Variants in NAV3 observed in about 807,000 individuals in gnomAD.
NAV3 encodes the protein pore membrane and/or filament interacting like protein 1.
NAV3 carries 87 observed loss-of-function variants against 244.7 expected under a neutral mutation model. The ratio of observed to expected loss-of-function variants is 0.36; its 90% CI spans 0.30 to 0.42. NAV3 has a LOEUF of 0.42. NAV3 is among the 20% of genes least tolerant of loss of function. The pLI, the probability that NAV3 is intolerant of heterozygous loss-of-function variation, is 1.00. For synonymous variants in NAV3, 1,126 were observed against 1,042.2 expected (o/e 1.08, Z -1.55); for missense variants, 2,663 against 2,893.3 (o/e 0.92, Z 1.83).
At chr12:77,772,746 G>A (rs1177406222) in intron 2 of NAV3, among the ~76,000 whole-genome samples, 1 of 152,170 alleles carries the variant, frequency 6.6e-6, no homozygotes, top group African/African-American at 2.4e-5. Flanking sequence ...GGCTCGAGCA[G>A]TTGGAATCTG....
intron 5 of NAV3, among the ~76,000 whole-genome samples, chr12:77,973,266 CAT>C (rs1232832926): frequency 6.6e-6 from 1 of 151,652 alleles, no homozygotes; most frequent in African/African-American, 2.4e-5. Flanking sequence ...ACAATTAAAA[CAT>C]GTAAAAAGAA....
intron 2 of NAV3, among the ~76,000 whole-genome samples, chr12:77,594,668 G>A (rs962186668): frequency 2.2e-4 from 34 of 152,170 alleles, no homozygotes; most frequent in African/African-American, 7.0e-4. Flanking sequence ...CATATGCACC[G>A]AAGTTAGAAG....
At chr12:78,003,302 T>C (rs1007729) in intron 7 of NAV3, among the ~76,000 whole-genome samples, 63,325 of 151,834 alleles carry the variant, frequency 0.42, 13,557 homozygotes, top group African/African-American at 0.53. Flanking sequence ...GTCCTAATTA[T>C]TTATCAAAAT....
rs1893158621 is a variant in NAV3, at chr12:77,973,304, A to C, written c.671+4602A>C. Among the ~76,000 whole-genome samples, 5 of 152,184 alleles carry C rather than the reference A, an allele frequency of 3.3e-5. No individual in the cohort carries two copies. The South Asian group carries it at 1.0e-3, about 32-fold the overall frequency. ...GAAAATTGAATGTGAAAGTAGAGGT[A>C]AGAGATTACATAGATAGATGATAGA... On this transcript the variant is annotated intron_variant, in intron 5 of 39. Transcript: ENST00000397909.
chr12:78,001,311 TTAC>T (rs1352429090), intron 7 of NAV3, among the ~76,000 whole-genome samples: 2 of 152,202 alleles, frequency 1.3e-5, no homozygotes, highest in African/African-American at 4.8e-5. Context: ...ACAAGATCTT[TTAC>T]TGGCAGGATT....
chr12:78,128,718 A>T lies in NAV3; in HGVS notation c.4293A>T (p.Ser1431=), dbSNP rs2138848460. Residue 1431 remains serine (S), a synonymous_variant, in exon 18 of 40, where the codon TCA becomes TCT. Coordinates refer to ENST00000397909, the MANE Select transcript of NAV3 (RefSeq NM_001024383.2). ...TGCTGTTTTGCAGATATACCCCATC[A>T]TCTCGGCAGGCCAACCAAGAAGAGG... ...LPKKGLRYTP[S]SRQANQEEGK... The T allele has an allele frequency of 6.2e-7, 1 of 1,613,858 alleles. No homozygotes were observed. The highest frequency in any genetic ancestry group is 8.5e-7 in the Non-Finnish European group (1 of 1,179,886).
chr12:77,576,237 T>A (rs1222710274), intron 2 of NAV3, among the ~76,000 whole-genome samples: 1 of 152,110 alleles, frequency 6.6e-6, no homozygotes. Flanking sequence ...TTGATAGGAA[T>A]AATACTGATA....
chr12:77,885,204 A>C (rs1883139716), intron 1 of NAV3, among the ~76,000 whole-genome samples: 1 of 152,142 alleles, frequency 6.6e-6, no homozygotes, highest in African/African-American at 2.4e-5. Context: ...GGAGTTAATA[A>C]GTATTTTAAT....
At chr12:77,657,907 A>G (rs944140551) in intron 2 of NAV3, among the ~76,000 whole-genome samples, 20 of 152,120 alleles carry the variant, frequency 1.3e-4, no homozygotes, top group Middle Eastern at 3.4e-3. Context: ...AAATTCAACA[A>G]CCCTTCATGC....
At chr12:77,707,304 T>C (rs1285398880) in intron 2 of NAV3, among the ~76,000 whole-genome samples, 1 of 149,282 alleles carries the variant, frequency 6.7e-6, no homozygotes, top group Admixed American at 6.7e-5. Context: ...TGAGAACATG[T>C]GGTGTTTGGT....
chr12:78,198,543 T>A (rs1959235701), intron 35 of NAV3, 62 bp from the exon 36 acceptor site: 5 of 1,011,440 alleles, frequency 4.9e-6, no homozygotes, highest in Non-Finnish European at 7.5e-6. Flanking sequence ...TCCAAGATAA[T>A]TTTAATGAAT....
At chr12:77,597,314 C>T (rs114023052) in intron 2 of NAV3, among the ~76,000 whole-genome samples, 1 of 152,020 alleles carries the variant, frequency 6.6e-6, no homozygotes, top group South Asian at 2.1e-4. Context: ...ATCAGTATTA[C>T]TCATATGATG....
chr12:78,172,435 C>T (rs551296592), intron 24 of NAV3, among the ~76,000 whole-genome samples: 1 of 151,520 alleles, frequency 6.6e-6, no homozygotes, highest in African/African-American at 2.4e-5. Flanking sequence ...GTCTTTGTCT[C>T]CATAGAACTT....
chr12:77,772,795 G>A (rs1051737104), intron 2 of NAV3, among the ~76,000 whole-genome samples: 1 of 152,076 alleles, frequency 6.6e-6, no homozygotes, highest in African/African-American at 2.4e-5. Flanking sequence ...ACCGTCAATG[G>A]CCAAAATGTG....
chr12:77,648,474 G>A (rs1323605806), intron 2 of NAV3, among the ~76,000 whole-genome samples: 1 of 152,060 alleles, frequency 6.6e-6, no homozygotes, highest in Non-Finnish European at 1.5e-5. Context: ...CAGAGTCTTA[G>A]AATAAATTAC....
At chr12:77,822,146 T>C (rs1340311509) in intron 2 of NAV3, among the ~76,000 whole-genome samples, 2 of 152,178 alleles carry the variant, frequency 1.3e-5, no homozygotes, top group Admixed American at 1.3e-4. Context: ...ATTTGATAAA[T>C]TTTATTTGCT....
intron 12 of NAV3, among the ~76,000 whole-genome samples, chr12:78,113,957 A>G (rs1313977466): frequency 6.6e-6 from 1 of 152,172 alleles, no homozygotes; most frequent in African/African-American, 2.4e-5. Context: ...CCCAAATCAT[A>G]TCTTGAACAC....
chr12:77,824,825 AG>A (rs752287562), intron 2 of NAV3, among the ~76,000 whole-genome samples: 10 of 151,778 alleles, frequency 6.6e-5, no homozygotes, highest in Non-Finnish European at 2.9e-5. Flanking sequence ...CCCAGGAGGC[AG>A]GGATTCCCGT....
rs2138621377 is a variant in NAV3 at position 78,119,608 on chromosome 12, T to C, written c.3412T>C (p.Leu1138=). The change falls in exon 15 of 40, where the codon TTG becomes CTG. Residue 1138 remains leucine (L), a synonymous_variant. Coordinates refer to ENST00000397909, the MANE Select transcript of NAV3 (RefSeq NM_001024383.2). The part of the protein sequence containing the change: ...SSKTTLQYRS[L]PRPSKSSTSG... Reference sequence around the variant, plus strand: ...AAAGACTACCCTACAATATCGCAGCTTGCCCCGCCCTTCAAAATCCAGCAC... The same window carrying C: ...AAAGACTACCCTACAATATCGCAGCCTGCCCCGCCCTTCAAAATCCAGCAC... The C allele has an allele frequency of 1.2e-6, 2 of 1,614,158 alleles. No homozygotes were observed. Among genetic ancestry groups the C allele is most frequent in the Non-Finnish European group, 1.7e-6 (2 of 1,180,042 alleles).
Sources: allele counts gnomAD v4.1 joint callset (sites outside exome capture counted in the v4.1 genomes callset), GRCh38; gene constraint gnomAD v4.1.1; transcripts MANE v1.5; gene names NCBI Gene and HGNC (gene_info 2026-07-23, HGNC 2026-07-21).